The following EXOC4 variants were observed in gnomAD, a reference collection of about 807,000 sequenced individuals.
EXOC4 encodes the protein exocyst complex component 4, also known as SEC8-like 1.
Under a neutral mutation model 107.2 loss-of-function variants are expected in EXOC4, and 71 were observed. The ratio of observed to expected loss-of-function variants is 0.66; its 90% CI spans 0.55 to 0.81. The LOEUF is 0.81. Ranked by LOEUF, EXOC4 falls within the 30% of genes least tolerant of loss-of-function variation. EXOC4 has a pLI of 0.00. For synonymous variants in EXOC4, 456 were observed against 441.2 expected (o/e 1.03, Z -0.42); for missense variants, 1,108 against 1,189.6 (o/e 0.93, Z 1.01).
intron 10 of EXOC4, among the ~76,000 whole-genome samples, chr7:133,686,266 G>A (rs928941501): frequency 6.6e-6 from 1 of 152,074 alleles, no homozygotes; most frequent in Admixed American, 6.6e-5. Context: ...AAATTACCCA[G>A]TTTTAGGTAT....
rs969904168 is a variant in EXOC4, at chr7:133,452,424, T to C, written c.1183-22904T>C. 2.1e-4 allele frequency among the ~76,000 whole-genome samples: 32 copies of C among 151,676 alleles called. 1 individual carries two copies. The highest frequency in any genetic ancestry group is 7.8e-4 in the African/African-American group (32 of 41,224). On this transcript the variant is annotated intron_variant, in intron 7 of 17. Coordinates refer to ENST00000253861, the MANE Select transcript of EXOC4 (RefSeq NM_021807.4). ...AAATACCAGGAAGTCTCCCACATGG[T>C]GATGAGAAGCAGCAAATGTTGTGTC...
At chr7:133,753,223 T>C (rs1487456988) in intron 10 of EXOC4, among the ~76,000 whole-genome samples, 1 of 152,230 alleles carries the variant, frequency 6.6e-6, no homozygotes, top group Non-Finnish European at 1.5e-5. Context: ...GGAATAGGAA[T>C]GGGAAGAAGC....
chr7:133,426,300 T>C (rs1334267799), intron 7 of EXOC4, among the ~76,000 whole-genome samples: 3 of 152,232 alleles, frequency 2.0e-5, no homozygotes, highest in Non-Finnish European at 4.4e-5. Flanking sequence ...CTGTGTGTTA[T>C]GCCTGCAGCT....
chr7:133,641,762 G>A (rs759357189), intron 10 of EXOC4, among the ~76,000 whole-genome samples: 59 of 152,302 alleles, frequency 3.9e-4, no homozygotes, highest in Non-Finnish European at 8.1e-4. Context: ...CAATGTAAGA[G>A]TGGAAATAAG....
rs544885102 is a variant in EXOC4 at position 133,794,976 on chromosome 7, T to C, written c.1515-22349T>C. On this transcript the variant is annotated intron_variant, in intron 10 of 17. Transcript: ENST00000253861. The stretch of plus-strand genomic sequence containing the variant: ...CCCCACAACAGGCCCCGGTGTGTGA[T>C]GTTCCCCTTCCTGTGTCCACACAAT... Among the ~76,000 whole-genome samples, 75 of 151,090 alleles carry C rather than the reference T, an allele frequency of 5.0e-4. 1 individual carries two copies. Among genetic ancestry groups the C allele is most frequent in the African/African-American group, 1.7e-3 (68 of 41,118 alleles).
intron 11 of EXOC4, 67 bp from the exon 12 acceptor site, chr7:133,895,532 T>C (rs528814569): frequency 1.8e-5 from 26 of 1,481,534 alleles, no homozygotes; most frequent in South Asian, 2.4e-5. Context: ...ATACTTGGAG[T>C]TGTCCTTCCT....
chr7:133,372,363 T>G (rs1352391086), intron 6 of EXOC4, among the ~76,000 whole-genome samples: 1 of 152,158 alleles, frequency 6.6e-6, no homozygotes, highest in Non-Finnish European at 1.5e-5. Flanking sequence ...CTCCTTTCCT[T>G]CCTCCCTGTG....
At chr7:133,942,957 CTTG>C (rs1193317447) in intron 14 of EXOC4, among the ~76,000 whole-genome samples, 1 of 152,134 alleles carries the variant, frequency 6.6e-6, no homozygotes, top group African/African-American at 2.4e-5. Context: ...CTCCATCTGT[CTTG>C]TTATCATGCC....
chr7:133,364,221 C>A (rs764358569), intron 6 of EXOC4, among the ~76,000 whole-genome samples: 1 of 152,114 alleles, frequency 6.6e-6, no homozygotes, highest in Non-Finnish European at 1.5e-5. Flanking sequence ...CTTGACCCCC[C>A]CTGGGCTCAA....
chr7:133,970,280 C>T (rs1229252248), intron 14 of EXOC4, among the ~76,000 whole-genome samples: 1 of 152,122 alleles, frequency 6.6e-6, no homozygotes, highest in African/African-American at 2.4e-5. Flanking sequence ...GCTTGCTGGG[C>T]TCCGTGGGGG....
At chr7:133,612,438 T>C (rs1802094021) in intron 9 of EXOC4, among the ~76,000 whole-genome samples, 1 of 152,084 alleles carries the variant, frequency 6.6e-6, no homozygotes, top group Non-Finnish European at 1.5e-5. Context: ...CCTGAGAAGG[T>C]AGGGAAGTGA....
intron 10 of EXOC4, among the ~76,000 whole-genome samples, chr7:133,800,440 T>C (rs2542266): frequency 0.87 from 132,205 of 152,136 alleles, 57,601 homozygotes; most frequent in East Asian, 0.99. Context: ...AAAATAATCA[T>C]TTTGGTTCAT....
At chr7:133,534,801 T>C (rs889642499) in intron 9 of EXOC4, among the ~76,000 whole-genome samples, 44 of 152,162 alleles carry the variant, frequency 2.9e-4, no homozygotes, top group African/African-American at 1.0e-3. Flanking sequence ...TATCCTCATA[T>C]CCAGCTGAAG....
intron 9 of EXOC4, among the ~76,000 whole-genome samples, chr7:133,572,724 G>C (rs1157497169): frequency 6.6e-6 from 1 of 152,074 alleles, no homozygotes; most frequent in Non-Finnish European, 1.5e-5. Flanking sequence ...GGCATTCCAG[G>C]GAAGCTTTTG....
chr7:134,082,332 T>C, the EXOC4 span, among the ~76,000 whole-genome samples: 314 of 152,332 alleles, frequency 2.1e-3, no homozygotes, highest in Middle Eastern at 0.01. Context: ...ATTTGTAAAC[T>C]GTCATGGCAC....
chr7:133,668,306 C>T (rs755005269), intron 10 of EXOC4, among the ~76,000 whole-genome samples: 5 of 152,140 alleles, frequency 3.3e-5, no homozygotes, highest in Admixed American at 3.3e-4. Flanking sequence ...ATTCAGTGGT[C>T]ATCTTTCGGT....
At chr7:133,541,615 T>C (rs1275627105) in intron 9 of EXOC4, among the ~76,000 whole-genome samples, 1 of 152,146 alleles carries the variant, frequency 6.6e-6, no homozygotes, top group African/African-American at 2.4e-5. Flanking sequence ...TCCTCCCATC[T>C]CAGCCTCACA....
In EXOC4 at chr7:133,969,071, C is replaced by T. The variant is rs184648641; in HGVS notation, c.2207-28421C>T. ...TTTTTTTTCTCTAATCTTGGCTTCACGCTTTATTTCATTAAGTTGATCTTC... is the reference window on the plus strand; with the variant it reads ...TTTTTTTTCTCTAATCTTGGCTTCATGCTTTATTTCATTAAGTTGATCTTC... On this transcript the variant is annotated intron_variant, in intron 14 of 17. Transcript: ENST00000253861. Among the ~76,000 whole-genome samples the T allele has an allele frequency of 1.1e-4, 16 of 152,202 alleles. No homozygotes were observed. In the South Asian group the frequency reaches 1.2e-3, roughly 12 times the overall value.
chr7:133,381,307 A>G (rs973410129), intron 7 of EXOC4, among the ~76,000 whole-genome samples: 1 of 152,208 alleles, frequency 6.6e-6, no homozygotes, highest in Non-Finnish European at 1.5e-5. Flanking sequence ...GGCTAATGGC[A>G]CAGACACACA....
Sources: gnomAD v4.1 joint callset for allele counts (sites outside exome capture counted in the v4.1 genomes callset) on GRCh38, gnomAD v4.1.1 for gene constraint, MANE v1.5 for transcripts, NCBI Gene and HGNC (gene_info 2026-07-23, HGNC 2026-07-21) for gene names.